The following NSD3 variants were observed in gnomAD, a reference collection of about 807,000 sequenced individuals.
NSD3 encodes histone-lysine N-methyltransferase NSD3.
A neutral mutation model predicts 160.8 loss-of-function variants in NSD3; 24 were observed. The observed-to-expected ratio is 0.15, with a 90% CI of 0.11 to 0.21. The LOEUF is 0.21. Among genes scored for constraint, NSD3 ranks in the 10% least tolerant of loss-of-function variants. The pLI is 1.00. For missense variants in NSD3, 1,157 were observed against 1,735.9 expected (o/e 0.67, Z 5.93); for synonymous variants, 520 against 600.0 (o/e 0.87, Z 1.95).
chr8:38,299,548 T>C lies in NSD3; in HGVS notation c.2654A>G (p.Tyr885Cys). 6.2e-7 allele frequency: 1 copy of C among 1,613,620 alleles called. No homozygotes were observed. Among genetic ancestry groups the C allele is most frequent in the Non-Finnish European group, 8.5e-7 (1 of 1,179,768 alleles). Residue 885 changes from tyrosine (Y) to cysteine (C), a missense_variant, in exon 15 of 24, where the codon TAT becomes TGT. Coordinates refer to ENST00000317025, the MANE Select transcript of NSD3 (RefSeq NM_023034.2). The stretch of plus-strand genomic sequence containing the variant: ...CAGTAGGTAGTGGGACTTATAGGCA[T>C]ATGAACTGAACATGGGGTCTGAATG... Reference protein sequence around the residue: ...QDHSDPMFSSYAYKSHYLLNE... With the variant: ...QDHSDPMFSSCAYKSHYLLNE...
intron 4 of NSD3, 112 bp downstream of exon 4, chr8:38,337,193 A>G: frequency 9.7e-7 from 1 of 1,035,266 alleles, no homozygotes; most frequent in East Asian, 3.2e-5. Flanking sequence ...GGATATGCAC[A>G]TTTTTGTATC....
chr8:38,281,902 C>CT (rs1808741646), intron 19 of NSD3, among the ~76,000 whole-genome samples: 1 of 152,126 alleles, frequency 6.6e-6, no homozygotes, highest in South Asian at 2.1e-4. Flanking sequence ...CAGAATTTTA[C>CT]TAGTTGGTGG....
At chr8:38,278,460 GA>G (rs1286125615) in intron 21 of NSD3, 48 bp from the exon 22 acceptor site, 8 of 1,512,856 alleles carry the variant, frequency 5.3e-6, no homozygotes, top group Admixed American at 2.0e-5. Context: ...ATGGGGAAGA[GA>G]AAAGCTCTCA....
At chr8:38,320,514 AC>A (rs1300507653) in intron 8 of NSD3, 1 of 152,016 alleles carries the variant, frequency 6.6e-6, no homozygotes, top group East Asian at 1.9e-4. Context: ...CCCCCCACAC[AC>A]CTTTTTTTAC....
In NSD3 at chr8:38,316,139, C is replaced by A; in HGVS notation, c.1856-97G>T. ...GAATATTTTCTTTTCTCAAACTCAT[C>A]TTTAGTGTGGAAAAAGCATAGCTCT... is the stretch of plus-strand genomic sequence containing the variant. On this transcript the variant is annotated intron_variant, in intron 9 of 23. Coordinates refer to ENST00000317025, the MANE Select transcript of NSD3 (RefSeq NM_023034.2). This position sits in a 1 kb window ranked among gnomAD's most constrained non-coding sequence, Gnocchi z 4.5. 1 of 1,494,692 alleles carries A rather than the reference C, an allele frequency of 6.7e-7. No individual in the cohort carries two copies. The allele number at this position is 1,494,692 out of a possible 1,614,324, so 92.6% of individuals were successfully genotyped here.
At chr8:38,357,787 C>T (rs1036947470) in intron 1 of NSD3, among the ~76,000 whole-genome samples, 1 of 152,184 alleles carries the variant, frequency 6.6e-6, no homozygotes, top group Non-Finnish European at 1.5e-5. Flanking sequence ...AACTAAACTA[C>T]ATAAACTTAA....
At position 38,279,571 on chromosome 8, in the gene NSD3, C is replaced by T; in HGVS notation, c.3729G>A (p.Val1243=). 1 of 1,614,088 alleles carries T rather than the reference C, an allele frequency of 6.2e-7. No homozygotes were observed. The highest frequency in any genetic ancestry group is 1.1e-5 in the South Asian group (1 of 91,082). The stretch of plus-strand genomic sequence containing the variant: ...GAATATCACAGAGAGCAAATAGTCC[C>T]ACTCGAACATCTCCATTCACTGTCC... ...QKWTVNGDVR[V]GLFALCDIPA... The change falls in exon 21 of 24, where the codon GTG becomes GTA. Residue 1243 remains valine, a synonymous_variant. Transcript: ENST00000317025.
At chr8:38,332,789 T>C (rs1456678658) in intron 4 of NSD3, among the ~76,000 whole-genome samples, 1 of 152,086 alleles carries the variant, frequency 6.6e-6, no homozygotes, top group African/African-American at 2.4e-5. Flanking sequence ...TAGTACATAG[T>C]AGACTAGACA....
Position 38,329,652 on chromosome 8 carries a change from C to T in NSD3, c.1307G>A (p.Gly436Glu), listed in dbSNP as rs1210055892. 4 of 1,614,236 alleles carry T rather than the reference C, an allele frequency of 2.5e-6. No individual in the cohort carries two copies. Among genetic ancestry groups the T allele is most frequent in the African/African-American group, 1.3e-5 (1 of 75,062 alleles). ...ACTTGAGAGTGAGGAGGCCACCTCC[C>T]CTGCATTGGTCTGTTCTGGCTGAGT... ...LNTQPEQTNA[G>E]EVASSLSSTE... Residue 436 changes from glycine to glutamate, a missense_variant, in exon 6 of 24, where the codon GGG (glycine) becomes GAG (glutamate). By Grantham distance (98) the Gly-to-Glu change is moderately conservative (BLOSUM62 -2). Transcript: ENST00000317025. This position sits in a 1 kb window ranked among gnomAD's most constrained non-coding sequence, Gnocchi z 4.8.
At position 38,329,543 on chromosome 8, in the gene NSD3, A is replaced by G. The variant is rs577776926; in HGVS notation, c.1416T>C (p.Thr472=). The part of the protein sequence containing the change: ...EPPPVKIAWK[T]AAARKSLPAS... The stretch of plus-strand genomic sequence containing the variant: ...CTGGTAAGGATTTCCTTGCTGCCGC[A>G]GTTTTCCAGGCTATTTTAACAGGCG... The change falls in exon 6 of 24, where the codon ACT becomes ACC. Residue 472 remains threonine, a synonymous_variant. Transcript: ENST00000317025. This position sits in a 1 kb window ranked among gnomAD's most constrained non-coding sequence, Gnocchi z 4.8. 10 of 1,614,186 alleles carry G rather than the reference A, an allele frequency of 6.2e-6. No homozygotes were observed. In the African/African-American group the frequency reaches 1.3e-4, roughly 22 times the overall value.
rs185671989 is a variant in NSD3 at position 38,363,281 on chromosome 8, G to A, written c.-44-15066C>T. 9.1e-4 allele frequency among the ~76,000 whole-genome samples: 139 copies of A among 152,292 alleles called. 1 individual carries two copies. Among genetic ancestry groups the A allele is most frequent in the South Asian group, 3.3e-3 (16 of 4,822 alleles). On this transcript the variant is annotated intron_variant, in intron 1 of 23. Transcript: ENST00000317025. Reference sequence around the variant, plus strand: ...CAGGTGGACCCAACATAATCACAAGGATCCTTATCATCCTTTTGGTGGGAA... The same window carrying A: ...CAGGTGGACCCAACATAATCACAAGAATCCTTATCATCCTTTTGGTGGGAA...
intron 1 of NSD3, among the ~76,000 whole-genome samples, chr8:38,353,289 A>G (rs1345596631): frequency 6.6e-6 from 1 of 152,238 alleles, no homozygotes; most frequent in East Asian, 1.9e-4. Context: ...CTTTTGGCAA[A>G]AATGTATAGC....
chr8:38,289,408 G>A lies in NSD3; in HGVS notation c.3216C>T (p.Pro1072=), dbSNP rs1426295327. 1 of 1,613,262 alleles carries A rather than the reference G, an allele frequency of 6.2e-7. No homozygotes were observed. The stretch of plus-strand genomic sequence containing the variant: ...AAAGACTTACTTTGATGTGTTTGTA[G>A]GGAGGGGGTTTTCTTGAGTTTTTTT... ...EIEKNSRKPP[P]YKHIKANKVI... Residue 1072 remains proline, a synonymous_variant, in exon 18 of 24, where the codon CCC becomes CCT. Coordinates refer to ENST00000317025, the MANE Select transcript of NSD3 (RefSeq NM_023034.2).
chr8:38,364,615 C>T lies in NSD3; in HGVS notation c.-44-16400G>A, dbSNP rs776756668. Reference sequence around the variant, plus strand: ...ATGACATAATAAAATGCTATGGGTCCTTTTACTACTAAAACACCTATTTAA... The same window carrying T: ...ATGACATAATAAAATGCTATGGGTCTTTTTACTACTAAAACACCTATTTAA... On this transcript the variant is annotated intron_variant, in intron 1 of 23. Transcript: ENST00000317025. 3.8e-4 allele frequency among the ~76,000 whole-genome samples: 58 copies of T among 152,302 alleles called. 1 individual carries two copies. The highest frequency in any genetic ancestry group is 7.5e-4 in the Non-Finnish European group (51 of 68,020).
chr8:38,318,977 T>A lies in NSD3; in HGVS notation c.1810-37A>T. ...GAAAAATACAGCATTAACAAAGAAT[T>A]TTTTTCCCTTTTAATTATTAACAGA... On this transcript the variant is annotated intron_variant, in intron 8 of 23. Transcript: ENST00000317025. The surrounding 1 kb of genome is among the most constrained non-coding windows in gnomAD (Gnocchi z 5.3). 1 of 1,565,558 alleles carries A rather than the reference T, an allele frequency of 6.4e-7. No homozygotes were observed. Among genetic ancestry groups the A allele is most frequent in the Non-Finnish European group, 8.7e-7 (1 of 1,151,884 alleles).
intron 1 of NSD3, among the ~76,000 whole-genome samples, chr8:38,348,903 C>T (rs912770927): frequency 1.3e-5 from 2 of 152,160 alleles, no homozygotes; most frequent in African/African-American, 4.8e-5. Context: ...AAGCAATCCA[C>T]CTGCCTCAGC....
chr8:38,292,516 C>T (rs1008759026), intron 16 of NSD3, among the ~76,000 whole-genome samples: 6 of 151,940 alleles, frequency 3.9e-5, no homozygotes, highest in African/African-American at 1.5e-4. Flanking sequence ...GGCACGGTGT[C>T]TCACGCCTGT....
chr8:38,345,510 A>G (rs1463229435), intron 2 of NSD3, among the ~76,000 whole-genome samples: 1 of 152,200 alleles, frequency 6.6e-6, no homozygotes, highest in Non-Finnish European at 1.5e-5. Context: ...GGTCAAGTTG[A>G]TATTCCTTTA....
At chr8:38,276,048 G>C (rs1808593407) in intron 23 of NSD3, 166 bp from the exon 24 acceptor site, 1 of 787,912 alleles carries the variant, frequency 1.3e-6, no homozygotes, top group African/African-American at 1.7e-5. Context: ...AGTTTAGGAT[G>C]GATGTGAGCT....
Sources: gnomAD v4.1 joint callset for allele counts (sites outside exome capture counted in the v4.1 genomes callset) on GRCh38, gnomAD v4.1.1 for gene constraint, Gnocchi (gnomAD v3.1) non-coding constraint, MANE v1.5 for transcripts, NCBI Gene and HGNC (gene_info 2026-07-23, HGNC 2026-07-21) for gene names.